PALM: variants seen among roughly 807,000 people sequenced by gnomAD.
PALM encodes paralemmin-1.
Under a neutral mutation model 30.7 loss-of-function variants are expected in PALM, and 18 were observed. The observed-to-expected ratio is 0.59, with a 90% CI of 0.41 to 0.87. The LOEUF is 0.87. Ranked by LOEUF, PALM falls within the 40% of genes least tolerant of loss-of-function variation. The pLI, the probability that PALM is intolerant of heterozygous loss-of-function variation, is 0.00. For synonymous variants in PALM, 286 were observed against 242.8 expected (o/e 1.18, Z -1.66); for missense variants, 529 against 555.4 (o/e 0.95, Z 0.48).
Position 734,178 on chromosome 19 carries a change from G to T in PALM, c.426G>T (p.Pro142=), listed in dbSNP as rs763743478. The T allele has an allele frequency of 3.2e-5, 51 of 1,613,774 alleles. No individual in the cohort carries two copies. The Middle Eastern group carries it at 6.6e-4, about 21-fold the overall frequency. Residue 142 remains proline (P), a synonymous_variant, in exon 6 of 9, where the codon CCG becomes CCT. Coordinates refer to ENST00000338448, the MANE Select transcript of PALM (RefSeq NM_002579.3). ...TTCTCTCTTCTTTCTTGCAGACGCC[G>T]GTGGGCACGCCCAAAGGTAGGACCT... The part of the protein sequence containing the change: ...TEVVMNSQQT[P]VGTPKDKRVS...
At chr19:713,734 G>T (rs1179012637) in intron 1 of PALM, among the ~76,000 whole-genome samples, 2 of 150,950 alleles carry the variant, frequency 1.3e-5, no homozygotes, top group Non-Finnish European at 2.9e-5. Context: ...ATGCGCCACT[G>T]CGCCTGGCTA....
At chr19:736,343 G>T (rs560871982) in intron 7 of PALM, among the ~76,000 whole-genome samples, 1 of 152,262 alleles carries the variant, frequency 6.6e-6, no homozygotes, top group South Asian at 2.1e-4. Flanking sequence ...TAACCGACGC[G>T]ACCTCACGGC....
At chr19:722,269 C>T (rs2032515716) in intron 1 of PALM, among the ~76,000 whole-genome samples, 1 of 152,194 alleles carries the variant, frequency 6.6e-6, no homozygotes, top group Non-Finnish European at 1.5e-5. Flanking sequence ...AGGCTGGAGA[C>T]AGTGGCACAA....
intron 1 of PALM, among the ~76,000 whole-genome samples, chr19:722,127 C>G (rs1439137900): frequency 6.7e-6 from 1 of 149,216 alleles, no homozygotes; most frequent in Non-Finnish European, 1.5e-5. Flanking sequence ...ACCGTGTTAG[C>G]CAGGATGGTC....
At chr19:741,415 G>A (rs959335556) in intron 8 of PALM, among the ~76,000 whole-genome samples, 1 of 151,052 alleles carries the variant, frequency 6.6e-6, no homozygotes, top group Non-Finnish European at 1.5e-5. Flanking sequence ...GGGCTGCAGG[G>A]GTGAGGGGAG....
chr19:722,500 AT>A (rs2032524194), intron 1 of PALM: 1 of 152,302 alleles, frequency 6.6e-6, no homozygotes, highest in Non-Finnish European at 1.5e-5. Flanking sequence ...AAATGCTGGA[AT>A]TACAGGCTTG....
chr19:723,297 G>A (rs2032553179), intron 1 of PALM, among the ~76,000 whole-genome samples: 1 of 152,142 alleles, frequency 6.6e-6, no homozygotes, highest in South Asian at 2.1e-4. Flanking sequence ...AGGGCTGGGG[G>A]TGGCAGCAGA....
intron 5 of PALM, among the ~76,000 whole-genome samples, chr19:732,150 T>C (rs749534032): frequency 3.5e-4 from 53 of 152,216 alleles, no homozygotes; most frequent in Non-Finnish European, 7.1e-4. Flanking sequence ...CTAATTTCTG[T>C]ATTTTTGGTA....
intron 8 of PALM, among the ~76,000 whole-genome samples, chr19:745,294 T>C (rs1000083541): frequency 6.6e-6 from 1 of 152,238 alleles, no homozygotes; most frequent in Non-Finnish European, 1.5e-5. Flanking sequence ...TCTGTGACCT[T>C]GGCCCAGCTG....
At position 712,960 on chromosome 19, in the gene PALM, G is replaced by T. The variant is rs566414730; in HGVS notation, c.5+3809G>T. On this transcript the variant is annotated intron_variant, in intron 1 of 8. Transcript: ENST00000338448. Reference sequence around the variant, plus strand: ...CAAAATGCTGGCATTACAGGTGTGAGGCACCGTGCACGGCCCACTCCCTTG... The same window carrying T: ...CAAAATGCTGGCATTACAGGTGTGATGCACCGTGCACGGCCCACTCCCTTG... Among the ~76,000 whole-genome samples the T allele has an allele frequency of 4.3e-3, 653 of 152,326 alleles. 4 individuals are homozygous for T. The highest frequency in any genetic ancestry group is 0.015 in the African/African-American group (604 of 41,564).
rs994193791 is a variant in PALM, at chr19:709,969, G to A, written c.5+818G>A. On this transcript the variant is annotated intron_variant, in intron 1 of 8. Coordinates refer to ENST00000338448, the MANE Select transcript of PALM (RefSeq NM_002579.3). The surrounding 1 kb of genome is among the most constrained non-coding windows in gnomAD (Gnocchi z 4.3). ...AGGGCGCGTGGTCATTTCGGACACC[G>A]GTCCCCTCCTCCCGGTGCTCGGGTG... Among the ~76,000 whole-genome samples the A allele has an allele frequency of 6.6e-6, 1 of 152,082 alleles. No individual in the cohort carries two copies. The highest frequency in any genetic ancestry group is 1.9e-4 in the East Asian group (1 of 5,170).
At chr19:732,287 A>G (rs2032900280) in intron 5 of PALM, among the ~76,000 whole-genome samples, 1 of 152,208 alleles carries the variant, frequency 6.6e-6, no homozygotes, top group Non-Finnish European at 1.5e-5. Flanking sequence ...TGATGGAAGT[A>G]AAAATCGCAG....
chr19:726,958 T>TGGGGGGGGGGGGGGGGGGGGGGGG, intron 2 of PALM, 50 bp from the exon 3 acceptor site: 1 of 1,044,084 alleles, frequency 9.6e-7, no homozygotes, highest in African/African-American at 1.7e-5. Flanking sequence ...GGTGGGGGGG[T>TGGGGGGGGGGGGGGGGGGGGGGGG]CTCCGGGACC....
At position 748,031 on chromosome 19, in the gene PALM, C is replaced by T. The variant is rs1363630208; in HGVS notation, c.*1217C>T. The T allele has an allele frequency of 6.6e-6, 1 of 152,610 alleles. No individual in the cohort carries two copies. The highest frequency in any genetic ancestry group is 1.5e-5 in the Non-Finnish European group (1 of 68,150). The allele number at this position is 152,610 out of a possible 1,614,324, so 9.5% of individuals were successfully genotyped here. On this transcript the variant is annotated 3_prime_UTR_variant, in exon 9 of 9. Transcript: ENST00000338448. The stretch of plus-strand genomic sequence containing the variant: ...CTGGTGCCCAGTGCTCAGGCCACCT[C>T]CTGGTCCAGTCACCACCTGCAGCCT...
chr19:719,013 T>A (rs1247425543), intron 1 of PALM: 114 of 107,346 alleles, frequency 1.1e-3, no homozygotes, highest in Non-Finnish European at 1.5e-3. Context: ...ACCCCACACC[T>A]CGCAGCCCCG....
Position 745,122 on chromosome 19 carries a change from G to A in PALM, c.635-1163G>A, listed in dbSNP as rs572963655. On this transcript the variant is annotated intron_variant, in intron 8 of 8. Coordinates refer to ENST00000338448, the MANE Select transcript of PALM (RefSeq NM_002579.3). The stretch of plus-strand genomic sequence containing the variant: ...TTGAACCTGGAAGGTGGAGGTTGCA[G>A]TGAACTGAGATCGTGCCATTGCACT... Among the ~76,000 whole-genome samples the A allele has an allele frequency of 1.4e-3, 208 of 152,342 alleles. 2 individuals carry two copies. The highest frequency in any genetic ancestry group is 4.8e-3 in the African/African-American group (199 of 41,582).
At chr19:726,938 C>G (rs994117327) in intron 2 of PALM, 70 bp from the exon 3 acceptor site, 1 of 907,726 alleles carries the variant, frequency 1.1e-6, no homozygotes, top group Admixed American at 2.2e-5. Flanking sequence ...TGGGCAGAGC[C>G]TTGTGTGGGG....
intron 7 of PALM, among the ~76,000 whole-genome samples, chr19:736,753 A>C (rs1209782621): frequency 2.6e-5 from 4 of 152,196 alleles, no homozygotes; most frequent in Non-Finnish European, 5.9e-5. Context: ...GGAACAGCAC[A>C]GAAAGAAGGC....
At chr19:720,526 G>T (rs2032438366) in intron 1 of PALM, among the ~76,000 whole-genome samples, 1 of 144,794 alleles carries the variant, frequency 6.9e-6, no homozygotes, top group Non-Finnish European at 1.5e-5. Context: ...GCCGGGTCTG[G>T]GGAGGGGCGA....
Sources: gnomAD v4.1 joint callset for allele counts (sites outside exome capture counted in the v4.1 genomes callset) on GRCh38, gnomAD v4.1.1 for gene constraint, Gnocchi (gnomAD v3.1) non-coding constraint, MANE v1.5 for transcripts, NCBI Gene and HGNC (gene_info 2026-07-23, HGNC 2026-07-21) for gene names.